SPDYE3: variants seen among roughly 807,000 people sequenced by gnomAD.
SPDYE3 encodes speedy protein E3.
In SPDYE3, 15 loss-of-function variants were observed where a neutral mutation model predicts 55.0. The observed-to-expected ratio is 0.27, with a 90% CI of 0.18 to 0.42. The LOEUF is 0.42. Ranked by LOEUF, SPDYE3 falls within the 10% of genes least tolerant of loss-of-function variation. The pLI is 1.00. For synonymous variants in SPDYE3, 89 were observed against 229.9 expected, an observed-to-expected ratio of 0.39 and a Z score of 5.55; for missense variants, 236 against 576.7, an observed-to-expected ratio of 0.41 and a Z score of 6.05.
intron 8 of SPDYE3, 143 bp downstream of exon 8, chr7:100,317,298 G>A (rs1237942118): frequency 3.1e-5 from 46 of 1,499,020 alleles, no homozygotes; most frequent in Non-Finnish European, 4.1e-5. Flanking sequence ...TAGTATCTTA[G>A]ACTGTTGTCT....
intron 1 of SPDYE3, among the ~76,000 whole-genome samples, chr7:100,308,504 T>C (rs1289186396): frequency 1.3e-5 from 2 of 150,068 alleles, no homozygotes; most frequent in Non-Finnish European, 3.0e-5. Flanking sequence ...AGGCCAAGAG[T>C]TTGAGACCAG....
chr7:100,315,887 G>T (rs752859355), intron 7 of SPDYE3, 44 bp downstream of exon 7: 5 of 1,597,972 alleles, frequency 3.1e-6, no homozygotes, highest in Non-Finnish European at 4.2e-6. Flanking sequence ...TCTAACGCAC[G>T]GCCAGGGGGA....
chr7:100,315,168 A>G (rs1806069418), intron 6 of SPDYE3, among the ~76,000 whole-genome samples: 1 of 151,924 alleles, frequency 6.6e-6, no homozygotes, highest in Non-Finnish European at 1.5e-5. Flanking sequence ...AGTTCCAGCT[A>G]CTCGGGAGGC....
chr7:100,316,549 A>G (rs1317926610), intron 7 of SPDYE3, among the ~76,000 whole-genome samples: 1 of 152,102 alleles, frequency 6.6e-6, no homozygotes, highest in East Asian at 1.9e-4. Flanking sequence ...CCACCTCTCA[A>G]AAAGTACTGG....
At position 100,309,086 on chromosome 7, in the gene SPDYE3, G is replaced by A; in HGVS notation, c.219G>A (p.Glu73=). The part of the protein sequence containing the change: ...EPEKELAPEP[E]ETWVAETLCG... Reference sequence around the variant, plus strand: ...AGAAGGAGCTCGCCCCTGAGCCTGAGGAGACCTGGGTGGCGGAGACGCTGT... The same window carrying A: ...AGAAGGAGCTCGCCCCTGAGCCTGAAGAGACCTGGGTGGCGGAGACGCTGT... The change falls in exon 2 of 11, where the codon GAG becomes GAA. Residue 73 remains glutamate (E), a synonymous_variant. Coordinates refer to ENST00000332397, the MANE Select transcript of SPDYE3 (RefSeq NM_001004351.5). 5.6e-6 allele frequency: 3 copies of A among 538,704 alleles called. No homozygotes were observed. The highest frequency in any genetic ancestry group is 9.4e-6 in the Non-Finnish European group (3 of 318,632). 33.4% of individuals were successfully genotyped at this position (538,704 alleles called of 1,614,324 possible).
In SPDYE3 at chr7:100,317,174, C is replaced by T. The variant is rs765817804; in HGVS notation, c.1346+19C>T. 6.2e-7 allele frequency: 1 copy of T among 1,611,420 alleles called. No homozygotes were observed. Among genetic ancestry groups the T allele is most frequent in the Non-Finnish European group, 8.5e-7 (1 of 1,179,416 alleles). On this transcript the variant is annotated intron_variant, in intron 8 of 10. Transcript: ENST00000332397. ...TGGCTCTGTGAGTGGTTTGCTGCCT[C>T]CTATCCATCAATATCCAACGCCCTG...
At chr7:100,320,302 A>T (rs575129271) in intron 10 of SPDYE3, 223 of 1,081,722 alleles carry the variant, frequency 2.1e-4, no homozygotes, top group Non-Finnish European at 2.6e-4. Flanking sequence ...GGGGCGACAG[A>T]GTGAGACCCT....
intron 8 of SPDYE3, among the ~76,000 whole-genome samples, chr7:100,319,138 T>C (rs1381377431): frequency 6.6e-6 from 1 of 152,084 alleles, no homozygotes; most frequent in Non-Finnish European, 1.5e-5. Context: ...CTCAAACTCC[T>C]GGTCTCAAGC....
rs1429667737 is a variant in SPDYE3, at chr7:100,321,777, C to T, written c.*932C>T. 15 of 137,502 alleles carry T rather than the reference C, an allele frequency of 1.1e-4. No individual in the cohort carries two copies. The highest frequency in any genetic ancestry group is 6.1e-4 in the East Asian group (3 of 4,890). The allele number at this position is 137,502 out of a possible 1,614,324, so 8.5% of individuals were successfully genotyped here. On this transcript the variant is annotated 3_prime_UTR_variant, in exon 11 of 11. Coordinates refer to ENST00000332397, the MANE Select transcript of SPDYE3 (RefSeq NM_001004351.5). ...TACTATCTATTTTATTGATTTATTT[C>T]GAAAAAGATGGGCAAAGAATTATTT...
In SPDYE3 at chr7:100,315,808, C is replaced by T. The variant is rs372223917; in HGVS notation, c.1225C>T (p.Leu409=). 1.3e-6 allele frequency: 2 copies of T among 1,599,982 alleles called. No individual in the cohort carries two copies. Among genetic ancestry groups the T allele is most frequent in the African/African-American group, 1.3e-5 (1 of 74,970 alleles). Residue 409 remains leucine (L), a synonymous_variant, in exon 7 of 11, where the codon CTG becomes TTG. Coordinates refer to ENST00000332397, the MANE Select transcript of SPDYE3 (RefSeq NM_001004351.5). The stretch of plus-strand genomic sequence containing the variant: ...AGAGGATCCTGTCATTAAAAGATTC[C>T]TGGCCTGGGACAAAGATCTGAGGGT... ...LLEDPVIKRF[L]AWDKDLRVSD...
chr7:100,309,687 C>T (rs1805913779), intron 2 of SPDYE3, among the ~76,000 whole-genome samples: 1 of 119,176 alleles, frequency 8.4e-6, no homozygotes, highest in Non-Finnish European at 1.8e-5. Flanking sequence ...TGCTACTGCA[C>T]TCCAGTCTGG....
chr7:100,320,457 C>T, intron 10 of SPDYE3: 1 of 1,005,620 alleles, frequency 9.9e-7, no homozygotes, highest in Non-Finnish European at 1.3e-6. Context: ...CATGAGACTT[C>T]GTCATGAGGA....
In SPDYE3 at chr7:100,320,924, C is replaced by T. The variant is rs1481904513; in HGVS notation, c.*79C>T. On this transcript the variant is annotated 3_prime_UTR_variant, in exon 11 of 11. Transcript: ENST00000332397. ...ACCCAGGGGAGATGTGGATTTTCAGCAGGAACTTTATTCCAGTGCTAATGG... is the reference window on the plus strand; with the variant it reads ...ACCCAGGGGAGATGTGGATTTTCAGTAGGAACTTTATTCCAGTGCTAATGG... 2 of 1,233,186 alleles carry T rather than the reference C, an allele frequency of 1.6e-6. No individual in the cohort carries two copies. The highest frequency in any genetic ancestry group is 2.2e-6 in the Non-Finnish European group (2 of 914,654). 76.4% of individuals were successfully genotyped at this position (1,233,186 alleles called of 1,614,324 possible). A position where few individuals can be genotyped will look rare whatever the true frequency, so the allele number is the denominator to read the frequency against.
At chr7:100,317,261 ACTCTGTGT>A in intron 8 of SPDYE3, 106 bp downstream of exon 8, 2 of 1,322,752 alleles carry the variant, frequency 1.5e-6, no homozygotes, top group Admixed American at 3.7e-5. Context: ...TGTCCTCTTT[ACTCTGTGT>A]ACAAAAAAGA....
In SPDYE3 at chr7:100,314,185, CTG is replaced by C. The variant is rs1328972045; in HGVS notation, c.983-346_983-345del. Reference sequence around the variant, plus strand: ...CTGAGAGGCTGAGGCAGGAGAATAACTGGAATCCGGGAGATAGATGTTGCAGT... The same window carrying C: ...CTGAGAGGCTGAGGCAGGAGAATAACGAATCCGGGAGATAGATGTTGCAGT... On this transcript the variant is annotated intron_variant, in intron 5 of 10. Coordinates refer to ENST00000332397, the MANE Select transcript of SPDYE3 (RefSeq NM_001004351.5). Among the ~76,000 whole-genome samples, 166 of 99,440 alleles carry C rather than the reference CTG, an allele frequency of 1.7e-3. 7 individuals are homozygous for C. Among genetic ancestry groups the C allele is most frequent in the Non-Finnish European group, 3.1e-3 (144 of 46,946 alleles). 65.2% of individuals were successfully genotyped at this position (99,440 alleles called of 152,430 possible).
At position 100,321,589 on chromosome 7, in the gene SPDYE3, A is replaced by C. The variant is rs1789582241; in HGVS notation, c.*744A>C. 1.3e-5 allele frequency: 2 copies of C among 152,498 alleles called. No homozygotes were observed. The highest frequency in any genetic ancestry group is 2.4e-5 in the African/African-American group (1 of 41,380). The allele number at this position is 152,498 out of a possible 1,614,324, so 9.4% of individuals were successfully genotyped here. A position where few individuals can be genotyped will look rare whatever the true frequency, so the allele number is the denominator to read the frequency against. Reference sequence around the variant, plus strand: ...CCTGAAGCGAGCACTCTTTTTATCTATGATACTTCCATAATAATCTCTTCT... The same window carrying C: ...CCTGAAGCGAGCACTCTTTTTATCTCTGATACTTCCATAATAATCTCTTCT... On this transcript the variant is annotated 3_prime_UTR_variant, in exon 11 of 11. Transcript: ENST00000332397.
Position 100,322,106 on chromosome 7 carries a change from C to T in SPDYE3, c.*1261C>T, listed in dbSNP as rs1336619470. 7.9e-5 allele frequency: 12 copies of T among 151,930 alleles called. No individual in the cohort carries two copies. Among genetic ancestry groups the T allele is most frequent in the Non-Finnish European group, 2.9e-5 (2 of 67,998 alleles). 9.4% of individuals were successfully genotyped at this position (151,930 alleles called of 1,614,324 possible). ...CTGCTGAAGGGAGCAGACTTTTTAT[C>T]TATGATACTTAGTTAATGTATATAT... On this transcript the variant is annotated 3_prime_UTR_variant, in exon 11 of 11. Coordinates refer to ENST00000332397, the MANE Select transcript of SPDYE3 (RefSeq NM_001004351.5).
Position 100,320,969 on chromosome 7 carries a change from G to C in SPDYE3, c.*124G>C, listed in dbSNP as rs1190266766. The C allele has an allele frequency of 1.6e-6, 2 of 1,212,596 alleles. No individual in the cohort carries two copies. Among genetic ancestry groups the C allele is most frequent in the African/African-American group, 3.1e-5 (2 of 64,584 alleles). The allele number at this position is 1,212,596 out of a possible 1,614,324, so 75.1% of individuals were successfully genotyped here. A position where few individuals can be genotyped will look rare whatever the true frequency, so the allele number is the denominator to read the frequency against. ...TAATGGCAGACATCAGGAAGGAGGA[G>C]AGGAGCCATTTGTGCAGATCATCTA... On this transcript the variant is annotated 3_prime_UTR_variant, in exon 11 of 11. Coordinates refer to ENST00000332397, the MANE Select transcript of SPDYE3 (RefSeq NM_001004351.5).
intron 2 of SPDYE3, among the ~76,000 whole-genome samples, chr7:100,309,556 C>T (rs1473225439): frequency 7.2e-6 from 1 of 138,310 alleles, no homozygotes; most frequent in Admixed American, 7.1e-5. Flanking sequence ...CAAAACTCTG[C>T]GTCAAAAGAA....
Sources: allele counts gnomAD v4.1 joint callset (sites outside exome capture counted in the v4.1 genomes callset), GRCh38; gene constraint gnomAD v4.1.1; transcripts MANE v1.5; gene names NCBI Gene and HGNC (gene_info 2026-07-23, HGNC 2026-07-21).